Variants in LGALS9 observed in about 807,000 individuals in gnomAD.
LGALS9 encodes galectin 9.
A neutral mutation model predicts 35.9 loss-of-function variants in LGALS9; 26 were observed. That is an observed-to-expected ratio of 0.72 (90% CI 0.53 to 1.01). The LOEUF is 1.01. Ranked by LOEUF, LGALS9 falls within the 50% of genes least tolerant of loss-of-function variation. The pLI, the probability that LGALS9 is intolerant of heterozygous loss-of-function variation, is 0.00. For synonymous variants in LGALS9, 149 were observed against 172.2 expected (o/e 0.87, Z 1.06); for missense variants, 347 against 445.8 (o/e 0.78, Z 1.99).
intron 1 of LGALS9, among the ~76,000 whole-genome samples, chr17:27,634,412 G>A (rs1182785581): frequency 1.3e-5 from 2 of 152,144 alleles, no homozygotes; most frequent in African/African-American, 2.4e-5. Flanking sequence ...TTAGCCAGGT[G>A]TGGTGGTGCA....
chr17:27,644,558 C>G (rs1904784672), intron 5 of LGALS9: 2 of 152,372 alleles, frequency 1.3e-5, no homozygotes, highest in African/African-American at 4.8e-5. Flanking sequence ...GGGGCAGGAT[C>G]CAGGACAAGG....
chr17:27,641,226 GGTAAGTCA>G (rs1458884183), intron 3 of LGALS9, among the ~76,000 whole-genome samples: 2 of 152,024 alleles, frequency 1.3e-5, no homozygotes, highest in Non-Finnish European at 2.9e-5. Flanking sequence ...GAAGCCTGTG[GGTAAGTCA>G]GTCCAAGTAT....
At chr17:27,641,773 A>G (rs1904521883) in intron 3 of LGALS9, among the ~76,000 whole-genome samples, 1 of 152,108 alleles carries the variant, frequency 6.6e-6, no homozygotes, top group Non-Finnish European at 1.5e-5. Flanking sequence ...CAGGAGTCCA[A>G]GACCAGCCTG....
rs1427009265 is a variant in LGALS9 at position 27,643,520 on chromosome 17, A to G, written c.445-5A>G. On this transcript the variant is annotated splice_polypyrimidine_tract_variant and splice_region_variant and intron_variant, in intron 4 of 10. Coordinates refer to ENST00000395473, the MANE Select transcript of LGALS9 (RefSeq NM_009587.3). Reference sequence around the variant, plus strand: ...CTCACTGCCCGGTGCCTTTTGTTTTAACAGAACCCCCGCACAGTCCCTGTT... The same window carrying G: ...CTCACTGCCCGGTGCCTTTTGTTTTGACAGAACCCCCGCACAGTCCCTGTT... 6.2e-7 allele frequency: 1 copy of G among 1,611,610 alleles called. No homozygotes were observed. Among genetic ancestry groups the G allele is most frequent in the Non-Finnish European group, 8.5e-7 (1 of 1,179,694 alleles).
intron 4 of LGALS9, 194 bp downstream of exon 4, chr17:27,642,542 T>C (rs4239241): frequency 0.13 from 144,866 of 1,107,640 alleles, 13,495 homozygotes; most frequent in Admixed American, 0.26. Flanking sequence ...TGTTACTGTC[T>C]CTGTCCGGAA....
chr17:27,631,400 G>GT (rs2074391700), intron 1 of LGALS9, 96 bp downstream of exon 1: 1 of 1,506,838 alleles, frequency 6.6e-7, no homozygotes, highest in African/African-American at 1.4e-5. Flanking sequence ...GGGGATGGGG[G>GT]TGGGGGCATC....
rs143087068 is a variant in LGALS9, at chr17:27,633,746, T to C, written c.39+2442T>C. ...GTCATGTCTGACATGAGCCAGGGGC[T>C]CAGCACACGGAATCGCACCCAGTCC... On this transcript the variant is annotated intron_variant, in intron 1 of 10. Coordinates refer to ENST00000395473, the MANE Select transcript of LGALS9 (RefSeq NM_009587.3). 5.3e-5 allele frequency among the ~76,000 whole-genome samples: 8 copies of C among 152,324 alleles called. 1 individual carries two copies. The South Asian group carries it at 1.4e-3, about 28-fold the overall frequency.
At chr17:27,635,765 G>C (rs1208842710) in intron 1 of LGALS9, among the ~76,000 whole-genome samples, 3 of 152,140 alleles carry the variant, frequency 2.0e-5, no homozygotes, top group Non-Finnish European at 2.9e-5. Flanking sequence ...TCAGTGTTGT[G>C]TCTCATGATA....
At chr17:27,646,499 G>A (rs774347251) in intron 7 of LGALS9, 48 bp from the exon 8 acceptor site, 17 of 1,611,664 alleles carry the variant, frequency 1.1e-5, no homozygotes, top group African/African-American at 2.7e-5. Context: ...GTGAGTGCTC[G>A]CGCACCCATG....
In LGALS9 at chr17:27,648,981, A is replaced by T. The variant is rs199742826; in HGVS notation, c.1067A>T (p.Ter356LeuextTer183). 1.2e-5 allele frequency: 19 copies of T among 1,613,830 alleles called. No individual in the cohort carries two copies. The highest frequency in any genetic ancestry group is 1.6e-5 in the Non-Finnish European group (19 of 1,179,854). Residue 356 changes from the stop codon to leucine (L), a stop_lost, in exon 11 of 11, where the codon TAG becomes TTG. Transcript: ENST00000395473. Reference sequence around the variant, plus strand: ...ATCCAGCTGACCCATGTGCAGACATAGGCGGCTTCCTGGCCCTGGGGCCGG... The same window carrying T: ...ATCCAGCTGACCCATGTGCAGACATTGGCGGCTTCCTGGCCCTGGGGCCGG... Reference protein sequence around the residue: ...GDIQLTHVQT* With the variant: ...GDIQLTHVQTL
chr17:27,636,584 C>A (rs2074453894), intron 1 of LGALS9, among the ~76,000 whole-genome samples: 2 of 152,142 alleles, frequency 1.3e-5, no homozygotes, highest in African/African-American at 4.8e-5. Flanking sequence ...ATCCTCCCAC[C>A]TCAGCCTCCC....
intron 1 of LGALS9, among the ~76,000 whole-genome samples, chr17:27,632,664 A>G (rs952034148): frequency 2.0e-5 from 3 of 152,186 alleles, no homozygotes; most frequent in Admixed American, 6.5e-5. Context: ...GTTCTGACAT[A>G]TTATTATTCT....
At chr17:27,648,235 T>A (rs1905082754) in intron 10 of LGALS9, among the ~76,000 whole-genome samples, 1 of 152,102 alleles carries the variant, frequency 6.6e-6, no homozygotes, top group African/African-American at 2.4e-5. Flanking sequence ...GCCTCAGGAG[T>A]GTTTCAAGCC....
chr17:27,648,875 G>A lies in LGALS9; in HGVS notation c.961G>A (p.Val321Met), dbSNP rs141993094. Reference protein sequence around the residue: ...LCEAHCLKVAVDGQHLFEYYH... With the variant: ...LCEAHCLKVAMDGQHLFEYYH... ...TGAAGCTCACTGCCTCAAGGTGGCC[G>A]TGGATGGTCAGCACCTGTTTGAATA... Residue 321 changes from valine (V) to methionine (M), a missense_variant, in exon 11 of 11, where the codon GTG becomes ATG. Transcript: ENST00000395473. 5.1e-5 allele frequency: 82 copies of A among 1,613,770 alleles called. No homozygotes were observed. The highest frequency in any genetic ancestry group is 2.0e-4 in the East Asian group (9 of 44,882).
chr17:27,648,211 T>C (rs1485217281), intron 10 of LGALS9, among the ~76,000 whole-genome samples: 2 of 152,270 alleles, frequency 1.3e-5, no homozygotes, highest in African/African-American at 4.8e-5. Flanking sequence ...GCTTGGATTT[T>C]AACACAGTGA....
At chr17:27,642,173 G>A in intron 3 of LGALS9, 65 bp from the exon 4 acceptor site, 1 of 1,574,212 alleles carries the variant, frequency 6.4e-7, no homozygotes, top group Non-Finnish European at 8.7e-7. Context: ...GGGTCCAGGA[G>A]CTCAGGGGTG....
rs758489028 is a variant in LGALS9, at chr17:27,631,259, C to A, written c.-7C>A. ...AAGGCAGCGGTGGCCACAGAGGCGG[C>A]GGAGAGATGGCCTTCAGCGGTTCCC... is the stretch of plus-strand genomic sequence containing the variant. On this transcript the variant is annotated 5_prime_UTR_variant, in exon 1 of 11. Transcript: ENST00000395473. The A allele has an allele frequency of 1.9e-6, 3 of 1,614,138 alleles. No individual in the cohort carries two copies. The highest frequency in any genetic ancestry group is 2.5e-6 in the Non-Finnish European group (3 of 1,180,006).
rs1256229679 is a variant in LGALS9 at position 27,646,563 on chromosome 17, C to G, written c.644C>G (p.Pro215Arg). The change falls in exon 8 of 11, where the codon CCT becomes CGT. Residue 215 changes from proline (P) to arginine (R), a missense_variant. Physicochemically the swap from Pro to Arg is moderately radical, Grantham distance 103. Transcript: ENST00000395473. ...TTTCAACAGACTCCCGCCATCCCACCTATGATGTACCCCCACCCCGCCTAT... is the reference window on the plus strand; with the variant it reads ...TTTCAACAGACTCCCGCCATCCCACGTATGATGTACCCCCACCCCGCCTAT... ...GQMFSTPAIPPMMYPHPAYPM... is the reference protein window; with the variant it reads ...GQMFSTPAIPRMMYPHPAYPM... The G allele has an allele frequency of 6.2e-7, 1 of 1,612,238 alleles. No homozygotes were observed. Among genetic ancestry groups the G allele is most frequent in the Admixed American group, 1.7e-5 (1 of 60,018 alleles).
chr17:27,640,881 C>T, intron 3 of LGALS9, 108 bp downstream of exon 3: 1 of 1,490,502 alleles, frequency 6.7e-7, no homozygotes, highest in Non-Finnish European at 9.2e-7. Flanking sequence ...AGTGACACCA[C>T]TATACAGATA....
Sources: gnomAD v4.1 joint callset for allele counts (sites outside exome capture counted in the v4.1 genomes callset) on GRCh38, gnomAD v4.1.1 for gene constraint, MANE v1.5 for transcripts, NCBI Gene and HGNC (gene_info 2026-07-23, HGNC 2026-07-21) for gene names.